Variants in POU2F1 observed in about 807,000 individuals in gnomAD.
POU2F1 encodes the protein POU domain, class 2, transcription factor 1.
POU2F1 carries 16 observed loss-of-function variants against 84.9 expected under a neutral mutation model. That is an observed-to-expected ratio of 0.19 (90% CI 0.13 to 0.29). The LOEUF (loss-of-function observed/expected upper bound fraction) is 0.29, where lower values mean the gene tolerates loss of function less well. Ranked by LOEUF, POU2F1 falls within the 10% of genes least tolerant of loss-of-function variation. The pLI, the probability that POU2F1 is intolerant of heterozygous loss-of-function variation, is 1.00. For missense variants in POU2F1, 738 were observed against 942.6 expected (o/e 0.78, Z 2.84); for synonymous variants, 368 against 368.3 (o/e 1.00, Z 0.01).
At chr1:167,314,957 G>A (rs965055168) in intron 1 of POU2F1, among the ~76,000 whole-genome samples, 2 of 152,058 alleles carry the variant, frequency 1.3e-5, no homozygotes, top group African/African-American at 4.8e-5. Flanking sequence ...AGTTCTCATG[G>A]GATCTGGTTA....
chr1:167,260,769 C>A (rs1194916179), intron 1 of POU2F1, among the ~76,000 whole-genome samples: 3 of 152,054 alleles, frequency 2.0e-5, no homozygotes, highest in African/African-American at 7.2e-5. Context: ...ATGTTATTGC[C>A]TGAGTAGTCT....
chr1:167,401,496 C>G lies in POU2F1; in HGVS notation c.1495C>G (p.Leu499Val), dbSNP rs1024262868. Residue 499 changes from leucine (L) to valine (V), a missense_variant, in exon 13 of 16, where the codon CTC becomes GTC. Around this residue, in one of 4 missense-constraint regions of POU2F1, gnomAD observed 319 missense variants for 386.0 expected, o/e 0.83. Coordinates refer to ENST00000367866, the MANE Select transcript of POU2F1 (RefSeq NM_002697.4). ...TGTGACTAGCAGTGCAGCAACTACC[C>G]TCACAGTCAGCCCTGTCCTCCCTCT... The part of the protein sequence containing the change: ...SLVTSSAATT[L>V]TVSPVLPLTS... 7.4e-6 allele frequency: 12 copies of G among 1,613,304 alleles called. No individual in the cohort carries two copies. The Admixed American group carries it at 1.0e-4, about 13-fold the overall frequency.
chr1:167,411,276 G>C (rs894532209), intron 13 of POU2F1, among the ~76,000 whole-genome samples: 1 of 152,086 alleles, frequency 6.6e-6, no homozygotes, highest in African/African-American at 2.4e-5. Context: ...TTGACCTCTT[G>C]ATCTGCCCAC....
intron 1 of POU2F1, among the ~76,000 whole-genome samples, chr1:167,279,620 AG>A (rs1293601636): frequency 1.3e-5 from 2 of 152,114 alleles, no homozygotes; most frequent in Non-Finnish European, 2.9e-5. Context: ...TGGGAGGCTG[AG>A]GTAGGAGAAT....
At chr1:167,386,354 C>G (rs1162445685) in intron 8 of POU2F1, among the ~76,000 whole-genome samples, 1 of 152,050 alleles carries the variant, frequency 6.6e-6, no homozygotes, top group Non-Finnish European at 1.5e-5. Context: ...ATCACCATGC[C>G]CAGCTATTTT....
At chr1:167,333,140 A>G (rs1369353460) in intron 2 of POU2F1, among the ~76,000 whole-genome samples, 2 of 152,314 alleles carry the variant, frequency 1.3e-5, no homozygotes, top group Non-Finnish European at 2.9e-5. Context: ...AAAAAATTAT[A>G]CTTCATTAAA....
In POU2F1 at chr1:167,426,048, G is replaced by A. The variant is rs1650929807; in HGVS notation, c.*10238G>A. 1.3e-5 allele frequency: 2 copies of A among 151,874 alleles called. No homozygotes were observed. The highest frequency in any genetic ancestry group is 4.8e-5 in the African/African-American group (2 of 41,310). The allele number at this position is 151,874 out of a possible 1,614,324, so 9.4% of individuals were successfully genotyped here. ...GGGGAGGGGGGTACTTGGTTCTTGG[G>A]TCACACAAGCTCTATCCCAAAGCAA... is the stretch of plus-strand genomic sequence containing the variant. On this transcript the variant is annotated 3_prime_UTR_variant, in exon 16 of 16. Coordinates refer to ENST00000367866, the MANE Select transcript of POU2F1 (RefSeq NM_002697.4).
rs1009433423 is a variant in POU2F1 at position 167,421,245 on chromosome 1, T to C, written c.*5435T>C. On this transcript the variant is annotated 3_prime_UTR_variant, in exon 16 of 16. Transcript: ENST00000367866. Reference sequence around the variant, plus strand: ...TAAGAAGAATAACTGAGATCAGCTATTATATAGGTTTGCATGGATGGTGTC... The same window carrying C: ...TAAGAAGAATAACTGAGATCAGCTACTATATAGGTTTGCATGGATGGTGTC... 6.6e-6 allele frequency: 1 copy of C among 152,204 alleles called. No individual in the cohort carries two copies. The highest frequency in any genetic ancestry group is 1.5e-5 in the Non-Finnish European group (1 of 68,030). The allele number at this position is 152,204 out of a possible 1,614,324, so 9.4% of individuals were successfully genotyped here.
At chr1:167,310,413 T>A (rs548800312) in intron 1 of POU2F1, among the ~76,000 whole-genome samples, 76 of 152,226 alleles carry the variant, frequency 5.0e-4, no homozygotes, top group African/African-American at 1.8e-3. Flanking sequence ...TATCTATTTC[T>A]TTTCATAAGT....
In POU2F1 at chr1:167,416,246, T is replaced by C. The variant is rs925272121; in HGVS notation, c.*436T>C. Reference sequence around the variant, plus strand: ...TTGTTTGTCTAAATTTCTTTTTTTCTTAAAAAAAAAAAATCATTTTTATGG... The same window carrying C: ...TTGTTTGTCTAAATTTCTTTTTTTCCTAAAAAAAAAAAATCATTTTTATGG... On this transcript the variant is annotated 3_prime_UTR_variant, in exon 16 of 16. Coordinates refer to ENST00000367866, the MANE Select transcript of POU2F1 (RefSeq NM_002697.4). 3.3e-6 allele frequency: 1 copy of C among 306,418 alleles called. No homozygotes were observed. The highest frequency in any genetic ancestry group is 2.2e-5 in the African/African-American group (1 of 44,866). 19.0% of individuals were successfully genotyped at this position (306,418 alleles called of 1,614,324 possible).
intron 13 of POU2F1, among the ~76,000 whole-genome samples, chr1:167,410,787 A>G (rs1163159876): frequency 1.3e-5 from 2 of 152,132 alleles, no homozygotes; most frequent in African/African-American, 2.4e-5. Flanking sequence ...AAGTGCTGGG[A>G]TCACAAGCGT....
intron 1 of POU2F1, among the ~76,000 whole-genome samples, chr1:167,284,290 A>C (rs1653367764): frequency 2.0e-5 from 3 of 152,220 alleles, no homozygotes; most frequent in African/African-American, 7.2e-5. Flanking sequence ...CTTTAGTTTT[A>C]CAGATAGGTC....
intron 1 of POU2F1, among the ~76,000 whole-genome samples, chr1:167,287,827 C>G (rs1653638709): frequency 6.6e-6 from 1 of 152,118 alleles, no homozygotes; most frequent in Admixed American, 6.5e-5. Flanking sequence ...GGTAAAAATT[C>G]TGCACCTAGA....
At chr1:167,312,596 CTTA>C (rs992115424) in intron 1 of POU2F1, among the ~76,000 whole-genome samples, 18 of 152,086 alleles carry the variant, frequency 1.2e-4, no homozygotes, top group Non-Finnish European at 1.9e-4. Flanking sequence ...CTAAGGTTAA[CTTA>C]TTATTCAAGA....
intron 1 of POU2F1, among the ~76,000 whole-genome samples, chr1:167,303,974 TGTA>T (rs768068363): frequency 1.0e-3 from 154 of 152,320 alleles, no homozygotes; most frequent in Middle Eastern, 3.4e-3. Context: ...ATAAAATTAA[TGTA>T]GTAATGAGAA....
intron 7 of POU2F1, among the ~76,000 whole-genome samples, chr1:167,382,245 A>G (rs577270954): frequency 9.8e-5 from 15 of 152,334 alleles, no homozygotes; most frequent in South Asian, 8.3e-4. Context: ...TGGTTAACCT[A>G]AAGAAGAATG....
chr1:167,269,922 A>T (rs1652245236), intron 1 of POU2F1, among the ~76,000 whole-genome samples: 1 of 151,800 alleles, frequency 6.6e-6, no homozygotes, highest in African/African-American at 2.4e-5. Flanking sequence ...TCAAAAAAAA[A>T]AAAAAAAGAG....
chr1:167,295,298 A>G (rs1230260428), intron 1 of POU2F1, among the ~76,000 whole-genome samples: 1 of 152,168 alleles, frequency 6.6e-6, no homozygotes, highest in African/African-American at 2.4e-5. Flanking sequence ...TTGACTAATG[A>G]GTGGATAAAG....
At chr1:167,330,739 C>T (rs1657028566) in intron 1 of POU2F1, among the ~76,000 whole-genome samples, 1 of 152,042 alleles carries the variant, frequency 6.6e-6, no homozygotes, top group Non-Finnish European at 1.5e-5. Flanking sequence ...GTGACATAGT[C>T]TTTATAGATG....
Sources: allele counts gnomAD v4.1 joint callset (sites outside exome capture counted in the v4.1 genomes callset), GRCh38; gene constraint gnomAD v4.1.1; regional missense constraint gnomAD v4.1.1; transcripts MANE v1.5; gene names NCBI Gene and HGNC (gene_info 2026-07-23, HGNC 2026-07-21).